CNTNAP5: variants seen among roughly 807,000 people sequenced by gnomAD.
CNTNAP5 encodes the protein contactin associated protein family member 5, also known as contactin-associated protein-like 5.
CNTNAP5 carries 72 observed loss-of-function variants against 150.2 expected under a neutral mutation model. The observed-to-expected ratio is 0.48, with a 90% CI of 0.40 to 0.58. The LOEUF (loss-of-function observed/expected upper bound fraction) is 0.58, where lower values mean the gene tolerates loss of function less well. Among genes scored for constraint, CNTNAP5 ranks in the 20% least tolerant of loss-of-function variants. The pLI is 0.00. For missense variants in CNTNAP5, 1,636 were observed against 1,626.2 expected (o/e 1.01, Z -0.10); for synonymous variants, 672 against 619.8 (o/e 1.08, Z -1.25).
At chr2:124,777,333 T>A (rs1453569064) in intron 17 of CNTNAP5, among the ~76,000 whole-genome samples, 1 of 152,138 alleles carries the variant, frequency 6.6e-6, no homozygotes, top group Non-Finnish European at 1.5e-5. Flanking sequence ...GAGAATTGGA[T>A]ACATTTAACC....
chr2:124,574,927 T>G (rs1170832327), intron 11 of CNTNAP5, among the ~76,000 whole-genome samples: 1 of 152,220 alleles, frequency 6.6e-6, no homozygotes, highest in African/African-American at 2.4e-5. Flanking sequence ...GAGCCTCATT[T>G]GTGCCATATT....
chr2:124,636,097 T>C (rs1424287079), intron 12 of CNTNAP5, among the ~76,000 whole-genome samples: 3 of 152,212 alleles, frequency 2.0e-5, no homozygotes, highest in African/African-American at 7.2e-5. Flanking sequence ...ACAATTTTTA[T>C]GCTTGTAATT....
chr2:124,066,794 A>G (rs1573729496), intron 1 of CNTNAP5, among the ~76,000 whole-genome samples: 1 of 152,292 alleles, frequency 6.6e-6, no homozygotes, highest in Non-Finnish European at 1.5e-5. Flanking sequence ...ATGCTTCCTG[A>G]TCATTTTTGT....
At position 124,221,255 on chromosome 2, in the gene CNTNAP5, T is replaced by C. The variant is rs1573846720; in HGVS notation, c.83-450T>C. Among the ~76,000 whole-genome samples the C allele has an allele frequency of 2.0e-5, 3 of 152,198 alleles. No individual in the cohort carries two copies. In the East Asian group the frequency reaches 5.8e-4, roughly 29 times the overall value. On this transcript the variant is annotated intron_variant, in intron 1 of 23. Transcript: ENST00000682447. ...TATCCTACTCCTCTAGACACAATTA[T>C]TACGGGAGCTCTTAGGAACTGAAGA...
At chr2:124,740,371 C>T (rs1404785125) in intron 13 of CNTNAP5, among the ~76,000 whole-genome samples, 2 of 152,016 alleles carry the variant, frequency 1.3e-5, no homozygotes, top group Non-Finnish European at 2.9e-5. Context: ...TGAGGCAGGA[C>T]CATTACTATC....
At chr2:124,518,250 G>A (rs997030388) in intron 8 of CNTNAP5, among the ~76,000 whole-genome samples, 3 of 151,566 alleles carry the variant, frequency 2.0e-5, no homozygotes, top group East Asian at 1.9e-4. Flanking sequence ...ATTATCAAAA[G>A]CATTTTAAAA....
intron 3 of CNTNAP5, among the ~76,000 whole-genome samples, chr2:124,253,580 A>G (rs1687239387): frequency 6.6e-6 from 1 of 152,200 alleles, no homozygotes; most frequent in Admixed American, 6.5e-5. Context: ...GACCTCAGAT[A>G]AATGGACATA....
chr2:124,769,690 C>T (rs1025949292), intron 16 of CNTNAP5, among the ~76,000 whole-genome samples: 2 of 152,140 alleles, frequency 1.3e-5, no homozygotes, highest in Admixed American at 1.3e-4. Context: ...TCTATTCTAG[C>T]TTTGACTAGC....
intron 13 of CNTNAP5, among the ~76,000 whole-genome samples, chr2:124,703,096 T>G (rs1479810053): frequency 7.0e-6 from 1 of 142,956 alleles, no homozygotes; most frequent in Non-Finnish European, 1.5e-5. Context: ...GAATTCAGCT[T>G]TCCTTCCTTC....
intron 3 of CNTNAP5, among the ~76,000 whole-genome samples, chr2:124,353,286 C>CAAAAA (rs565907115): frequency 9.1e-5 from 8 of 88,258 alleles, no homozygotes; most frequent in East Asian, 4.0e-4. Context: ...AAAAACAGAC[C>CAAAAA]AAAAAAAAAA....
At chr2:124,416,723 A>G (rs1691926952) in intron 3 of CNTNAP5, among the ~76,000 whole-genome samples, 1 of 152,066 alleles carries the variant, frequency 6.6e-6, no homozygotes, top group Non-Finnish European at 1.5e-5. Flanking sequence ...GAAAGTGCTT[A>G]GCATAGTGAC....
At chr2:124,765,964 A>G (rs1270075821) in intron 16 of CNTNAP5, among the ~76,000 whole-genome samples, 2 of 151,578 alleles carry the variant, frequency 1.3e-5, no homozygotes, top group African/African-American at 4.8e-5. Flanking sequence ...CTCAGAAAAA[A>G]AAAATAGGTT....
Position 124,609,767 on chromosome 2 carries a change from C to T in CNTNAP5, c.1757-34C>T, listed in dbSNP as rs1677338668. 2.5e-6 allele frequency: 4 copies of T among 1,607,692 alleles called. No individual in the cohort carries two copies. The South Asian group carries it at 4.4e-5, about 18-fold the overall frequency. Reference sequence around the variant, plus strand: ...CTGCAAAGGGATATGCAGAGCCAAGCAAAGTTTTATCTCTGCTGCCTTTGT... The same window carrying T: ...CTGCAAAGGGATATGCAGAGCCAAGTAAAGTTTTATCTCTGCTGCCTTTGT... On this transcript the variant is annotated intron_variant, in intron 11 of 23. Coordinates refer to ENST00000682447, the MANE Select transcript of CNTNAP5 (RefSeq NM_001367498.1).
At chr2:124,442,642 T>C (rs560459306) in intron 5 of CNTNAP5, among the ~76,000 whole-genome samples, 4 of 152,018 alleles carry the variant, frequency 2.6e-5, no homozygotes, top group East Asian at 3.9e-4. Flanking sequence ...ATTATACAAA[T>C]CCAGAAGCTA....
chr2:124,551,878 T>C (rs1260470554), intron 10 of CNTNAP5, among the ~76,000 whole-genome samples: 1 of 152,156 alleles, frequency 6.6e-6, no homozygotes, highest in Admixed American at 6.6e-5. Context: ...ACTGAGTATA[T>C]TTTTTAATGC....
chr2:124,518,408 A>C (rs774688891), intron 8 of CNTNAP5, among the ~76,000 whole-genome samples: 2 of 152,208 alleles, frequency 1.3e-5, no homozygotes, highest in Non-Finnish European at 2.9e-5. Context: ...TTCAGAAGCT[A>C]GGTGATTCAC....
At chr2:124,538,562 AAAG>A (rs1695299874) in intron 10 of CNTNAP5, among the ~76,000 whole-genome samples, 2 of 148,910 alleles carry the variant, frequency 1.3e-5, no homozygotes, top group Non-Finnish European at 1.5e-5. Context: ...GAAAGAAAGA[AAAG>A]AAAGAAAGAA....
At chr2:124,146,157 G>A (rs371528692) in intron 1 of CNTNAP5, among the ~76,000 whole-genome samples, 5 of 152,124 alleles carry the variant, frequency 3.3e-5, no homozygotes, top group Non-Finnish European at 4.4e-5. Flanking sequence ...AGGAGCTGGC[G>A]GCAGTCGTCC....
intron 3 of CNTNAP5, among the ~76,000 whole-genome samples, chr2:124,328,332 G>T (rs2104677126): frequency 6.6e-6 from 1 of 152,266 alleles, no homozygotes; most frequent in Non-Finnish European, 1.5e-5. Context: ...TAGCTTCCAT[G>T]CATGAGGCAG....
Sources: allele counts gnomAD v4.1 joint callset (sites outside exome capture counted in the v4.1 genomes callset), GRCh38; gene constraint gnomAD v4.1.1; transcripts MANE v1.5; gene names NCBI Gene and HGNC (gene_info 2026-07-23, HGNC 2026-07-21).